The following FSTL1 variants were observed in gnomAD, a reference collection of about 807,000 sequenced individuals.
The protein encoded by FSTL1 is follistatin-related protein 1.
FSTL1 carries 24 observed loss-of-function variants against 45.9 expected under a neutral mutation model. That is an observed-to-expected ratio of 0.52 (90% CI 0.38 to 0.74). The LOEUF (loss-of-function observed/expected upper bound fraction) is 0.74, where lower values mean the gene tolerates loss of function less well. Ranked by LOEUF, FSTL1 falls within the 30% of genes least tolerant of loss-of-function variation. The probability of loss-of-function intolerance (pLI) is 0.00; values close to 1 mark genes in which losing one functional copy is unlikely to be tolerated. For missense variants in FSTL1, 340 were observed against 381.8 expected, an observed-to-expected ratio of 0.89 and a Z score of 0.91; for synonymous variants, 120 against 137.6, an observed-to-expected ratio of 0.87 and a Z score of 0.89.
At chr3:120,420,108 G>A (rs1334031232) in intron 2 of FSTL1, among the ~76,000 whole-genome samples, 1 of 152,188 alleles carries the variant, frequency 6.6e-6, no homozygotes. Context: ...TTGGGGAGTG[G>A]GGACAGTTCC....
chr3:120,449,723 G>C (rs1195160981), intron 2 of FSTL1, among the ~76,000 whole-genome samples: 1 of 152,094 alleles, frequency 6.6e-6, no homozygotes, highest in African/African-American at 2.4e-5. Flanking sequence ...CTAAGGGTGT[G>C]GTTAAACTGT....
chr3:120,428,581 A>G (rs946346895), intron 2 of FSTL1, among the ~76,000 whole-genome samples: 1 of 152,146 alleles, frequency 6.6e-6, no homozygotes, highest in African/African-American at 2.4e-5. Flanking sequence ...TAAAAATACA[A>G]AAATTAGCTG....
chr3:120,402,628 AAATGT>A (rs1255555231), intron 9 of FSTL1, among the ~76,000 whole-genome samples, 175 bp downstream of exon 9: 1 of 152,076 alleles, frequency 6.6e-6, no homozygotes, highest in Non-Finnish European at 1.5e-5. Flanking sequence ...CCTATGGGAT[AAATGT>A]TCTGCCCTCA....
At chr3:120,425,319 T>C (rs1937357705) in intron 2 of FSTL1, among the ~76,000 whole-genome samples, 1 of 149,040 alleles carries the variant, frequency 6.7e-6, no homozygotes, top group East Asian at 2.0e-4. Flanking sequence ...GGATGATGAA[T>C]GCCATGTAAG....
chr3:120,447,387 A>G (rs1474486641), intron 2 of FSTL1, among the ~76,000 whole-genome samples: 1 of 152,106 alleles, frequency 6.6e-6, no homozygotes, highest in Non-Finnish European at 1.5e-5. Context: ...GTCCATTCAC[A>G]TGTTAATCTA....
chr3:120,439,127 G>A (rs1004329598), intron 2 of FSTL1, among the ~76,000 whole-genome samples: 2 of 152,162 alleles, frequency 1.3e-5, no homozygotes, highest in African/African-American at 2.4e-5. Flanking sequence ...AGGCGTGCAG[G>A]GAGGAGGCGA....
At chr3:120,444,179 T>C (rs1311547516) in intron 2 of FSTL1, among the ~76,000 whole-genome samples, 7 of 149,900 alleles carry the variant, frequency 4.7e-5, no homozygotes, top group Admixed American at 4.6e-4. Context: ...AGTTCTATCA[T>C]CTATTACCCT....
chr3:120,419,945 T>A (rs764329704), intron 2 of FSTL1, among the ~76,000 whole-genome samples: 1 of 152,122 alleles, frequency 6.6e-6, no homozygotes, highest in Non-Finnish European at 1.5e-5. Flanking sequence ...TTTAGTCCCA[T>A]GTAACAGATG....
Position 120,395,714 on chromosome 3 carries a change from C to T in FSTL1, c.*1238G>A, listed in dbSNP as rs1560008745. On this transcript the variant is annotated 3_prime_UTR_variant, in exon 11 of 11. Transcript: ENST00000295633. ...AGGAAAAATCACAGGAACCTATCTCCCCTCTGGACCAATGATCAGAACCAC... is the reference window on the plus strand; with the variant it reads ...AGGAAAAATCACAGGAACCTATCTCTCCTCTGGACCAATGATCAGAACCAC... 1.9e-6 allele frequency: 1 copy of T among 534,554 alleles called. No individual in the cohort carries two copies. The highest frequency in any genetic ancestry group is 3.8e-6 in the Non-Finnish European group (1 of 260,056). 33.1% of individuals were successfully genotyped at this position (534,554 alleles called of 1,614,324 possible).
chr3:120,414,394 G>A (rs1198989340), intron 3 of FSTL1, among the ~76,000 whole-genome samples: 18 of 148,642 alleles, frequency 1.2e-4, no homozygotes, highest in South Asian at 6.5e-4. Flanking sequence ...CTGCCCGGCC[G>A]CCCATCGTCT....
At chr3:120,425,285 G>C (rs1383861163) in intron 2 of FSTL1, among the ~76,000 whole-genome samples, 3 of 151,700 alleles carry the variant, frequency 2.0e-5, no homozygotes, top group Non-Finnish European at 4.4e-5. Context: ...GGAAAACCAG[G>C]AAGCCTAGAG....
rs532968842 is a variant in FSTL1 at position 120,404,727 on chromosome 3, C to T, written c.581+126G>A. The stretch of plus-strand genomic sequence containing the variant: ...TCATAGAATAGAACAGGACAGAATT[C>T]CCATTTTGCTTTTTACGTGACATTC... On this transcript the variant is annotated intron_variant, in intron 7 of 10. Transcript: ENST00000295633. 7 of 693,306 alleles carry T rather than the reference C, an allele frequency of 1.0e-5. No individual in the cohort carries two copies. The East Asian group carries it at 1.2e-4, about 12-fold the overall frequency. 42.9% of individuals were successfully genotyped at this position (693,306 alleles called of 1,614,324 possible).
intron 10 of FSTL1, among the ~76,000 whole-genome samples, chr3:120,399,585 C>T (rs1044769176): frequency 3.9e-5 from 6 of 152,172 alleles, no homozygotes; most frequent in African/African-American, 1.4e-4. Context: ...TTAAACCACG[C>T]TCATTTGCAA....
In FSTL1 at chr3:120,445,978, A is replaced by T. The variant is rs541928936; in HGVS notation, c.63+4706T>A. 6.0e-5 allele frequency among the ~76,000 whole-genome samples: 9 copies of T among 150,114 alleles called. No homozygotes were observed. The South Asian group carries it at 1.9e-3, about 31-fold the overall frequency. On this transcript the variant is annotated intron_variant, in intron 2 of 10. Coordinates refer to ENST00000295633, the MANE Select transcript of FSTL1 (RefSeq NM_007085.5). ...GAGTCAGAATAGAGCATCCTAAACA[A>T]AAAGTATGCATTTGCCCTCTGAGGA...
intron 10 of FSTL1, among the ~76,000 whole-genome samples, chr3:120,397,528 G>A (rs541468989): frequency 1.3e-5 from 2 of 152,332 alleles, no homozygotes; most frequent in South Asian, 4.1e-4. Flanking sequence ...ATAAGAAGAT[G>A]CTCAACATCA....
chr3:120,439,823 A>T (rs1451613028), intron 2 of FSTL1, among the ~76,000 whole-genome samples: 2 of 152,214 alleles, frequency 1.3e-5, no homozygotes, highest in East Asian at 3.9e-4. Context: ...GCCTTAAAAC[A>T]TCCCCCAAGG....
At chr3:120,414,259 G>A (rs1937140960) in intron 3 of FSTL1, among the ~76,000 whole-genome samples, 1 of 152,106 alleles carries the variant, frequency 6.6e-6, no homozygotes, top group African/African-American at 2.4e-5. Flanking sequence ...GGGATGTGAG[G>A]AGCCCCTCTG....
In FSTL1 at chr3:120,412,036, G is replaced by GACAC. The variant is rs112243174; in HGVS notation, c.169-57_169-54dup. On this transcript the variant is annotated intron_variant, in intron 3 of 10. Coordinates refer to ENST00000295633, the MANE Select transcript of FSTL1 (RefSeq NM_007085.5). The stretch of plus-strand genomic sequence containing the variant: ...GTGCAGTTATGGATATCGACACACA[G>GACAC]ACACACACACACACATACATGCACA... The GACAC allele has an allele frequency of 1.6e-4, 226 of 1,425,896 alleles. 1 individual carries two copies. Among genetic ancestry groups the GACAC allele is most frequent in the African/African-American group, 1.2e-3 (85 of 70,262 alleles). 88.3% of individuals were successfully genotyped at this position (1,425,896 alleles called of 1,614,324 possible).
intron 3 of FSTL1, among the ~76,000 whole-genome samples, chr3:120,413,711 G>C (rs1296783791): frequency 1.3e-5 from 2 of 151,080 alleles, no homozygotes; most frequent in Non-Finnish European, 2.9e-5. Flanking sequence ...GAACTTGTCA[G>C]AATCCAGCCT....
Sources: allele counts gnomAD v4.1 joint callset (sites outside exome capture counted in the v4.1 genomes callset), GRCh38; gene constraint gnomAD v4.1.1; transcripts MANE v1.5; gene names NCBI Gene and HGNC (gene_info 2026-07-23, HGNC 2026-07-21).